The following FAT4 variants were observed in gnomAD, a reference collection of about 807,000 sequenced individuals.
FAT4 encodes the protein FAT atypical cadherin 4.
FAT4 carries 84 observed loss-of-function variants against 303.9 expected under a neutral mutation model. The observed-to-expected ratio is 0.28, with a 90% confidence interval of 0.23 to 0.33. The LOEUF is 0.33. Among genes scored for constraint, FAT4 ranks in the 10% least tolerant of loss-of-function variants. FAT4 has a pLI of 1.00. For missense variants in FAT4, 6,005 were observed against 6,146.8 expected (o/e 0.98, Z 0.77); for synonymous variants, 2,307 against 2,298.8 (o/e 1.00, Z -0.10).
chr4:125,348,877 A>C (rs1008311983), intron 2 of FAT4, among the ~76,000 whole-genome samples: 1 of 151,774 alleles, frequency 6.6e-6, no homozygotes, highest in Admixed American at 6.6e-5. Flanking sequence ...TATGATGCTA[A>C]GGTTGGAGAA....
chr4:125,407,477 G>C (rs1316644183), intron 4 of FAT4, among the ~76,000 whole-genome samples: 3 of 50,644 alleles, frequency 5.9e-5, no homozygotes, highest in Non-Finnish European at 1.5e-4. Context: ...AAAAAGAACA[G>C]CAAAAAAAAA....
At chr4:125,383,091 T>C (rs951199553) in intron 2 of FAT4, among the ~76,000 whole-genome samples, 3 of 152,230 alleles carry the variant, frequency 2.0e-5, no homozygotes, top group African/African-American at 7.2e-5. Context: ...TCTTATCTTT[T>C]GTGTGTTCTC....
intron 2 of FAT4, among the ~76,000 whole-genome samples, chr4:125,395,814 C>T (rs1460952935): frequency 6.6e-6 from 1 of 152,040 alleles, no homozygotes; most frequent in African/African-American, 2.4e-5. Context: ...TCGTTTTGAA[C>T]TCAATAATAT....
chr4:125,385,149 G>A (rs1733694290), intron 2 of FAT4, among the ~76,000 whole-genome samples: 2 of 151,336 alleles, frequency 1.3e-5, no homozygotes, highest in Admixed American at 1.3e-4. Flanking sequence ...AGCCTCCTGA[G>A]TAGCTGGAAC....
At chr4:125,400,266 T>G (rs1383451373) in intron 3 of FAT4, among the ~76,000 whole-genome samples, 1 of 151,966 alleles carries the variant, frequency 6.6e-6, no homozygotes, top group Non-Finnish European at 1.5e-5. Flanking sequence ...CCATGGAATA[T>G]TATAATTAGA....
In FAT4 at chr4:125,398,753, C is replaced by T. The variant is rs10033970; in HGVS notation, c.5176-31C>T. On this transcript the variant is annotated intron_variant, in intron 2 of 17. Coordinates refer to ENST00000394329, the MANE Select transcript of FAT4 (RefSeq NM_001291303.3). ...TGGTATCTTGCAGACACGTGGGAGTCATTCACACATTGTTTCCTTTTTCTT... is the reference window on the plus strand; with the variant it reads ...TGGTATCTTGCAGACACGTGGGAGTTATTCACACATTGTTTCCTTTTTCTT... 492 of 1,610,120 alleles carry T rather than the reference C, an allele frequency of 3.1e-4. No individual in the cohort carries two copies. In the African/African-American group the frequency reaches 5.8e-3, roughly 19 times the overall value.
chr4:125,456,274 C>T (rs1672946385), intron 10 of FAT4, among the ~76,000 whole-genome samples: 1 of 152,014 alleles, frequency 6.6e-6, no homozygotes, highest in South Asian at 2.1e-4. Flanking sequence ...TCTGGTGACT[C>T]CAGGGCCAGA....
chr4:125,396,389 C>G (rs1344354306), intron 2 of FAT4, among the ~76,000 whole-genome samples: 2 of 152,036 alleles, frequency 1.3e-5, no homozygotes, highest in African/African-American at 4.8e-5. Flanking sequence ...ATGGACCCAC[C>G]AGTTACACTG....
intron 2 of FAT4, among the ~76,000 whole-genome samples, chr4:125,374,045 C>T (rs184512245): frequency 1.3e-5 from 2 of 152,138 alleles, no homozygotes; most frequent in Admixed American, 1.3e-4. Context: ...TCTCTACTAA[C>T]CTTGAAATCA....
chr4:125,383,304 G>C (rs1329164640), intron 2 of FAT4, among the ~76,000 whole-genome samples: 1 of 152,114 alleles, frequency 6.6e-6, no homozygotes, highest in East Asian at 1.9e-4. Flanking sequence ...GGCCATTGGA[G>C]GGTTATTTCA....
intron 2 of FAT4, among the ~76,000 whole-genome samples, chr4:125,355,637 T>G (rs939350205): frequency 6.6e-6 from 1 of 152,056 alleles, no homozygotes; most frequent in African/African-American, 2.4e-5. Flanking sequence ...ACACATGCCT[T>G]TTATGATACA....
chr4:125,426,816 A>G (rs1287790486), intron 7 of FAT4, among the ~76,000 whole-genome samples: 1 of 152,042 alleles, frequency 6.6e-6, no homozygotes, highest in Non-Finnish European at 1.5e-5. Flanking sequence ...TTGAAATGGC[A>G]ATAAACTATG....
intron 2 of FAT4, among the ~76,000 whole-genome samples, chr4:125,324,729 C>G (rs1181912087): frequency 6.6e-6 from 1 of 151,900 alleles, no homozygotes; most frequent in East Asian, 1.9e-4. Context: ...CATTCAGGAC[C>G]CCTTTATGCT....
In FAT4 at chr4:125,415,694, C is replaced by T. The variant is rs145342353; in HGVS notation, c.6731C>T (p.Thr2244Met). The T allele has an allele frequency of 7.5e-5, 121 of 1,613,980 alleles. No individual in the cohort carries two copies. The African/African-American group carries it at 1.1e-3, about 15-fold the overall frequency. Residue 2244 changes from threonine to methionine, a missense_variant, in exon 6 of 18, where the codon ACG (threonine) becomes ATG (methionine). Coordinates refer to ENST00000394329, the MANE Select transcript of FAT4 (RefSeq NM_001291303.3). ...AGCACACCCAGAACTGATACCTCCA[C>T]GGTCAGCATTGTTCTACTGGATATT... ...RGSTPRTDTSTVSIVLLDIND... is the reference protein window; with the variant it reads ...RGSTPRTDTSMVSIVLLDIND...
chr4:125,486,640 A>G (rs999020412), intron 16 of FAT4, among the ~76,000 whole-genome samples: 8 of 152,262 alleles, frequency 5.3e-5, no homozygotes, highest in African/African-American at 1.9e-4. Flanking sequence ...CGGTAGCTGG[A>G]AACTGGAGTG....
intron 2 of FAT4, among the ~76,000 whole-genome samples, chr4:125,338,733 T>G (rs1731665104): frequency 6.6e-6 from 1 of 152,216 alleles, no homozygotes; most frequent in South Asian, 2.1e-4. Flanking sequence ...TTATCCTGTC[T>G]GAGCTTTTGG....
intron 8 of FAT4, among the ~76,000 whole-genome samples, chr4:125,445,342 T>C (rs958568807): frequency 2.0e-5 from 3 of 152,130 alleles, no homozygotes; most frequent in African/African-American, 7.2e-5. Context: ...TATAGTTTTT[T>C]CCCCTGCAGT....
At chr4:125,464,036 G>T (rs1212337351) in intron 11 of FAT4, among the ~76,000 whole-genome samples, 1 of 151,878 alleles carries the variant, frequency 6.6e-6, no homozygotes, top group Non-Finnish European at 1.5e-5. Flanking sequence ...TCAAAGTAAG[G>T]TTTTTTGTTT....
In FAT4 at chr4:125,484,060, T is replaced by TACACAC. The variant is rs34883833; in HGVS notation, c.12822+2353_12822+2358dup. Among the ~76,000 whole-genome samples, 288 of 138,248 alleles carry TACACAC rather than the reference T, an allele frequency of 2.1e-3. 2 individuals are homozygous for TACACAC. The highest frequency in any genetic ancestry group is 7.0e-3 in the African/African-American group (254 of 36,532). 90.7% of individuals were successfully genotyped at this position (138,248 alleles called of 152,430 possible). On this transcript the variant is annotated intron_variant, in intron 16 of 17. Coordinates refer to ENST00000394329, the MANE Select transcript of FAT4 (RefSeq NM_001291303.3). ...TTCTCTCTCTCTCTACAGACACACA[T>TACACAC]ACACACACACACACACACACACACA... is the stretch of plus-strand genomic sequence containing the variant.
Sources: gnomAD v4.1 joint callset for allele counts (sites outside exome capture counted in the v4.1 genomes callset) on GRCh38, gnomAD v4.1.1 for gene constraint, MANE v1.5 for transcripts, NCBI Gene and HGNC (gene_info 2026-07-23, HGNC 2026-07-21) for gene names.